Variants in ZFYVE16 observed in about 807,000 individuals in gnomAD.
The protein encoded by ZFYVE16 is zinc finger FYVE domain-containing protein 16.
ZFYVE16 carries 89 observed loss-of-function variants against 138.1 expected under a neutral mutation model. That is an observed-to-expected ratio of 0.64 (90% CI 0.54 to 0.77). The LOEUF (loss-of-function observed/expected upper bound fraction) is 0.77. Among genes scored for constraint, ZFYVE16 ranks in the 30% least tolerant of loss-of-function variants. The probability of loss-of-function intolerance (pLI) is 0.00; values close to 1 mark genes in which losing one functional copy is unlikely to be tolerated. For missense variants in ZFYVE16, 1,793 were observed against 1,786.7 expected (o/e 1.00, Z -0.06); for synonymous variants, 596 against 618.3 (o/e 0.96, Z 0.53).
chr5:80,434,401 C>T (rs1749570845), intron 3 of ZFYVE16, among the ~76,000 whole-genome samples, 184 bp downstream of exon 3: 1 of 152,114 alleles, frequency 6.6e-6, no homozygotes, highest in African/African-American at 2.4e-5. Context: ...GACCCATAGC[C>T]AGAAACAGAA....
chr5:80,439,838 G>T (rs916330812), intron 4 of ZFYVE16, 98 bp from the exon 5 acceptor site: 4 of 765,844 alleles, frequency 5.2e-6, no homozygotes, highest in African/African-American at 1.8e-5. Flanking sequence ...TAAGGAAAAA[G>T]AATTTTGGTT....
Position 80,434,141 on chromosome 5 carries a change from A to G in ZFYVE16, c.-7A>G, listed in dbSNP as rs552922248. On this transcript the variant is annotated 5_prime_UTR_variant, in exon 3 of 19. Coordinates refer to ENST00000505560, the MANE Select transcript of ZFYVE16 (RefSeq NM_001284236.3). ...AGAATTAAATTCTGAATAAGTCTGC[A>G]GGTAGGATGGACAGTTATTTTAAAG... The G allele has an allele frequency of 2.5e-6, 4 of 1,612,100 alleles. No individual in the cohort carries two copies. The East Asian group carries it at 6.7e-5, about 27-fold the overall frequency.
rs1437963366 is a variant in ZFYVE16 at position 80,457,094 on chromosome 5, T to C, written c.3943+2T>C. Reference sequence around the variant, plus strand: ...GTGCCACTGGCCATCCTAGAAAAGGTGAGCATCTTGGTTCCTAGTGCTAAT... The same window carrying C: ...GTGCCACTGGCCATCCTAGAAAAGGCGAGCATCTTGGTTCCTAGTGCTAAT... On this transcript the variant is annotated splice_donor_variant, in intron 14 of 18. Transcript: ENST00000505560. LOFTEE classifies it high-confidence loss of function. The C allele has an allele frequency of 6.2e-7, 1 of 1,610,254 alleles. No homozygotes were observed. The highest frequency in any genetic ancestry group is 8.5e-7 in the Non-Finnish European group (1 of 1,178,856).
chr5:80,422,438 A>C (rs1275284372), intron 1 of ZFYVE16, among the ~76,000 whole-genome samples: 1 of 152,018 alleles, frequency 6.6e-6, no homozygotes, highest in South Asian at 2.1e-4. Flanking sequence ...TTTCTCATGA[A>C]TGTATATTGT....
intron 3 of ZFYVE16, among the ~76,000 whole-genome samples, chr5:80,436,410 C>T (rs1400395131): frequency 6.6e-6 from 1 of 152,112 alleles, no homozygotes; most frequent in Non-Finnish European, 1.5e-5. Context: ...TAAGGACATT[C>T]GTTTATGCAG....
chr5:80,414,322 A>G (rs1362846515), intron 1 of ZFYVE16, among the ~76,000 whole-genome samples: 2 of 152,070 alleles, frequency 1.3e-5, no homozygotes, highest in Non-Finnish European at 2.9e-5. Context: ...CCTGTTGCAC[A>G]ACTCTCTTCC....
chr5:80,443,256 C>T lies in ZFYVE16; in HGVS notation c.2553C>T (p.Val851=). ...TACCTTCACCAGCAACTTTGCCAGT[C>T]TCAGCACTTAAACAACCAGGTGTTG... ...SSIPSPATLP[V]SALKQPGVEG... Residue 851 remains valine, a synonymous_variant, in exon 6 of 19, where the codon GTC becomes GTT. Coordinates refer to ENST00000505560, the MANE Select transcript of ZFYVE16 (RefSeq NM_001284236.3). The T allele has an allele frequency of 1.9e-6, 3 of 1,610,462 alleles. No homozygotes were observed. The highest frequency in any genetic ancestry group is 2.2e-5 in the South Asian group (2 of 90,164).
At chr5:80,440,167 T>TC (rs1257360204) in intron 5 of ZFYVE16, 135 bp downstream of exon 5, 4 of 1,286,466 alleles carry the variant, frequency 3.1e-6, no homozygotes, top group East Asian at 6.0e-5. Context: ...AGGTGGGACA[T>TC]CCCAAGGCTT....
intron 5 of ZFYVE16, 199 bp downstream of exon 5, chr5:80,440,231 G>T: frequency 8.4e-7 from 1 of 1,185,140 alleles, no homozygotes; most frequent in African/African-American, 1.6e-5. Context: ...ATCTGGAAAG[G>T]AAGCATTCAG....
intron 15 of ZFYVE16, among the ~76,000 whole-genome samples, chr5:80,463,398 T>C (rs1158022111): frequency 6.6e-6 from 1 of 152,140 alleles, no homozygotes; most frequent in Non-Finnish European, 1.5e-5. Flanking sequence ...TTTTGGCCCC[T>C]TTAGCCACGA....
rs1185797719 is a variant in ZFYVE16, at chr5:80,470,101, A to ATTT, written c.4025-2644_4025-2642dup. 4.4e-3 allele frequency among the ~76,000 whole-genome samples: 474 copies of ATTT among 108,526 alleles called. 37 individuals are homozygous for ATTT. Among genetic ancestry groups the ATTT allele is most frequent in the East Asian group, 8.8e-3 (37 of 4,204 alleles). The allele number at this position is 108,526 out of a possible 152,430, so 71.2% of individuals were successfully genotyped here. A position where few individuals can be genotyped will look rare whatever the true frequency, so the allele number is the denominator to read the frequency against. On this transcript the variant is annotated intron_variant, in intron 15 of 18. Coordinates refer to ENST00000505560, the MANE Select transcript of ZFYVE16 (RefSeq NM_001284236.3). ...TGTGTGTGTGTGTGTGTGTGTGTGTATTTTTTTTTTTTTTTTTTGAGACAG... is the reference window on the plus strand; with the variant it reads ...TGTGTGTGTGTGTGTGTGTGTGTGTATTTTTTTTTTTTTTTTTTTTTGAGACAG...
chr5:80,422,487 G>A (rs991747679), intron 1 of ZFYVE16, among the ~76,000 whole-genome samples: 13 of 152,124 alleles, frequency 8.5e-5, no homozygotes, highest in African/African-American at 3.1e-4. Flanking sequence ...GTCTCGCTCT[G>A]TCTGTTTCCC....
At position 80,451,613 on chromosome 5, in the gene ZFYVE16, C is replaced by A. The variant is rs1481137961; in HGVS notation, c.3511C>A (p.Pro1171Thr). ...TGATGATCTCTCATTACCAAGTAAT[C>A]CTTTTCTTTGTGGAATTCTTATCCA... is the stretch of plus-strand genomic sequence containing the variant. The part of the protein sequence containing the change: ...KLDDLSLPSN[P>T]FLCGILIQKL... The change falls in exon 11 of 19, where the codon CCT becomes ACT. Residue 1171 changes from proline to threonine, a missense_variant. By Grantham distance (38) the Pro-to-Thr change is conservative. This residue lies in a region of ZFYVE16 where 498 missense variants were observed against 582.4 expected (regional missense o/e 0.86). Coordinates refer to ENST00000505560, the MANE Select transcript of ZFYVE16 (RefSeq NM_001284236.3). 6.2e-7 allele frequency: 1 copy of A among 1,613,858 alleles called. No homozygotes were observed. Among genetic ancestry groups the A allele is most frequent in the Non-Finnish European group, 8.5e-7 (1 of 1,179,908 alleles).
chr5:80,456,682 CAT>C (rs1752563125), intron 13 of ZFYVE16, 117 bp downstream of exon 13: 2 of 927,290 alleles, frequency 2.2e-6, no homozygotes, highest in Non-Finnish European at 3.2e-6. Flanking sequence ...TGGCAACAAA[CAT>C]TGTTTTTGAA....
chr5:80,474,579 A>G, intron 17 of ZFYVE16, 84 bp from the exon 18 acceptor site: 1 of 1,348,818 alleles, frequency 7.4e-7, no homozygotes. Context: ...TTACATTGGA[A>G]TTTAATTAAA....
At position 80,438,110 on chromosome 5, in the gene ZFYVE16, T is replaced by C; in HGVS notation, c.1425T>C (p.Ser475=). The C allele has an allele frequency of 2.5e-6, 4 of 1,614,106 alleles. No individual in the cohort carries two copies. Among genetic ancestry groups the C allele is most frequent in the South Asian group, 1.1e-5 (1 of 91,082 alleles). Residue 475 remains serine, a synonymous_variant, in exon 4 of 19, where the codon TCT becomes TCC. Coordinates refer to ENST00000505560, the MANE Select transcript of ZFYVE16 (RefSeq NM_001284236.3). ...AESLDGGDTS[S]TVVESQEGLS... ...CTTTGGATGGTGGTGACACCAGTTC[T>C]ACAGTTGTAGAATCTCAAGAGGGGC...
chr5:80,453,965 T>C (rs1752246716), intron 11 of ZFYVE16: 1 of 152,218 alleles, frequency 6.6e-6, no homozygotes, highest in Non-Finnish European at 1.5e-5. Flanking sequence ...GAGAATAGTG[T>C]TTTAAACAAA....
chr5:80,442,984 A>G, intron 5 of ZFYVE16, 139 bp from the exon 6 acceptor site: 1 of 804,504 alleles, frequency 1.2e-6, no homozygotes, highest in Admixed American at 3.6e-5. Context: ...TATCTTTGCC[A>G]AGTGCTACTT....
intron 15 of ZFYVE16, among the ~76,000 whole-genome samples, chr5:80,470,099 G>GTGTGTGTATA (rs1327173079): frequency 3.0e-4 from 36 of 121,184 alleles, no homozygotes; most frequent in African/African-American, 1.2e-3. Flanking sequence ...GTGTGTGTGT[G>GTGTGTGTATA]TATTTTTTTT....
Sources: allele counts gnomAD v4.1 joint callset (sites outside exome capture counted in the v4.1 genomes callset), GRCh38; gene constraint gnomAD v4.1.1; regional missense constraint gnomAD v4.1.1; transcripts MANE v1.5; gene names NCBI Gene and HGNC (gene_info 2026-07-23, HGNC 2026-07-21).